EYS: variants seen among roughly 807,000 people sequenced by gnomAD.
The protein encoded by EYS is EGF-like photoreceptor maintenance factor.
EYS carries 250 observed loss-of-function variants against 282.1 expected under a neutral mutation model. The ratio of observed to expected loss-of-function variants is 0.89; its 90% confidence interval spans 0.80 to 0.98. EYS has a LOEUF of 0.98. Ranked by LOEUF, EYS falls within the 50% of genes least tolerant of loss-of-function variation. EYS has a pLI of 0.00. For missense variants in EYS, 4,016 were observed against 3,709.0 expected (o/e 1.08, Z -2.15); for synonymous variants, 1,355 against 1,282.9 (o/e 1.06, Z -1.20).
chr6:64,104,390 G>A (rs149146915), intron 31 of EYS, among the ~76,000 whole-genome samples: 74 of 152,192 alleles, frequency 4.9e-4, no homozygotes, highest in African/African-American at 1.6e-3. Flanking sequence ...TTGCTTATGT[G>A]TGTATGTACA....
Position 65,090,446 on chromosome 6 carries a change from G to C in EYS, c.2024-32719C>G, listed in dbSNP as rs181986068. On this transcript the variant is annotated intron_variant, in intron 12 of 42. Coordinates refer to ENST00000503581, the MANE Select transcript of EYS (RefSeq NM_001142800.2). The stretch of plus-strand genomic sequence containing the variant: ...TTTCTTTATAAATTACCCAGTCTTG[G>C]GTACATCTTTACAACAGTGTGAAAA... Among the ~76,000 whole-genome samples the C allele has an allele frequency of 1.5e-3, 229 of 152,016 alleles. 2 individuals are homozygous for C. The highest frequency in any genetic ancestry group is 4.9e-3 in the African/African-American group (203 of 41,444).
At chr6:64,506,850 A>G (rs1257759733) in intron 26 of EYS, among the ~76,000 whole-genome samples, 5 of 146,632 alleles carry the variant, frequency 3.4e-5, no homozygotes, top group Non-Finnish European at 1.5e-5. Context: ...CGGAGCTTGT[A>G]GTGAGCTAAG....
intron 2 of EYS, among the ~76,000 whole-genome samples, chr6:65,590,465 C>A (rs1765192291): frequency 6.6e-6 from 1 of 151,926 alleles, no homozygotes; most frequent in African/African-American, 2.4e-5. Context: ...AAATATTTAT[C>A]ATTTCTTTGT....
chr6:65,075,919 G>C (rs916568539), intron 12 of EYS, among the ~76,000 whole-genome samples: 4 of 151,892 alleles, frequency 2.6e-5, no homozygotes, highest in African/African-American at 7.2e-5. Context: ...AATTTTTCCA[G>C]ATCTTGGAAG....
In EYS at chr6:63,788,162, T is replaced by A. The variant is rs66462731; in HGVS notation, c.7666A>T (p.Ser2556Cys). ...GGTAAGAGATCTGGAGTGTATTCAC[T>A]GTAGCCACCTACATAAAACTGACTG... is the stretch of plus-strand genomic sequence containing the variant. ...VFSQFYVGGY[S>C]EYTPDLLPNG... Residue 2556 changes from serine to cysteine, a missense_variant, in exon 39 of 43, where the codon AGT (serine) becomes TGT (cysteine). Coordinates refer to ENST00000503581, the MANE Select transcript of EYS (RefSeq NM_001142800.2). 128,778 of 1,548,568 alleles carry A rather than the reference T, an allele frequency of 0.083. 5,872 individuals carry two copies. The highest frequency in any genetic ancestry group is 0.19 in the East Asian group (7,728 of 40,804).
At chr6:65,462,332 T>C (rs981465992) in intron 5 of EYS, among the ~76,000 whole-genome samples, 2 of 151,918 alleles carry the variant, frequency 1.3e-5, no homozygotes, top group Non-Finnish European at 2.9e-5. Flanking sequence ...TGCACAGGGA[T>C]AGTGTGAAGG....
intron 2 of EYS, among the ~76,000 whole-genome samples, chr6:65,619,062 T>G (rs1006128547): frequency 5.8e-4 from 88 of 152,128 alleles, no homozygotes; most frequent in African/African-American, 2.0e-3. Flanking sequence ...ATATGAACTT[T>G]AAAGTAGTTT....
chr6:64,455,054 G>T (rs529632080), intron 26 of EYS, among the ~76,000 whole-genome samples: 1 of 152,138 alleles, frequency 6.6e-6, no homozygotes, highest in East Asian at 1.9e-4. Context: ...GAGCAACCTT[G>T]TCGAACTCTT....
intron 2 of EYS, among the ~76,000 whole-genome samples, chr6:65,505,540 G>A (rs544404305): frequency 4.0e-5 from 6 of 151,868 alleles, no homozygotes; most frequent in East Asian, 1.9e-4. Context: ...AATGTTATAC[G>A]TTTGTCTCTG....
intron 2 of EYS, among the ~76,000 whole-genome samples, chr6:65,498,516 C>T (rs1240613481): frequency 2.0e-5 from 3 of 151,862 alleles, no homozygotes; most frequent in African/African-American, 7.3e-5. Context: ...GATGTGAGCC[C>T]ACATTATTGT....
At chr6:65,170,254 G>A (rs969967812) in intron 12 of EYS, among the ~76,000 whole-genome samples, 1 of 150,928 alleles carries the variant, frequency 6.6e-6, no homozygotes, top group African/African-American at 2.4e-5. Flanking sequence ...ACAGAGAGAG[G>A]AGAGAAAGAA....
intron 18 of EYS, among the ~76,000 whole-genome samples, chr6:64,893,929 A>G (rs1331840059): frequency 6.6e-6 from 1 of 151,972 alleles, no homozygotes; most frequent in African/African-American, 2.4e-5. Context: ...TGAAACTCCT[A>G]TGCATGCATT....
At chr6:64,185,884 G>C (rs187656810) in intron 31 of EYS, among the ~76,000 whole-genome samples, 1 of 152,234 alleles carries the variant, frequency 6.6e-6, no homozygotes, top group African/African-American at 2.4e-5. Context: ...AAAGTTGATA[G>C]TCATACCATT....
intron 34 of EYS, among the ~76,000 whole-genome samples, chr6:63,986,143 T>C (rs1767352167): frequency 6.6e-6 from 1 of 151,786 alleles, no homozygotes; most frequent in Non-Finnish European, 1.5e-5. Context: ...AAAGAAGATA[T>C]ACATGCGGCC....
chr6:65,429,983 T>C (rs1342745412), intron 5 of EYS, among the ~76,000 whole-genome samples: 1 of 152,192 alleles, frequency 6.6e-6, no homozygotes, highest in Non-Finnish European at 1.5e-5. Flanking sequence ...ACCTATCAGA[T>C]AGTAGCATTA....
At chr6:64,769,163 C>T (rs777845433) in intron 22 of EYS, among the ~76,000 whole-genome samples, 17 of 152,146 alleles carry the variant, frequency 1.1e-4, no homozygotes, top group East Asian at 1.9e-4. Context: ...AAAGAAGGTG[C>T]GCCTCACTCT....
At chr6:65,038,228 A>G (rs1019898265) in intron 13 of EYS, among the ~76,000 whole-genome samples, 3 of 151,638 alleles carry the variant, frequency 2.0e-5, no homozygotes, top group Admixed American at 2.0e-4. Context: ...TTTTTTAAAG[A>G]TATAATACAT....
chr6:64,715,769 A>G (rs1475010840), intron 22 of EYS, among the ~76,000 whole-genome samples: 1 of 152,190 alleles, frequency 6.6e-6, no homozygotes, highest in Non-Finnish European at 1.5e-5. Flanking sequence ...TTTGGCTTTG[A>G]ATGCCTCCAC....
chr6:65,383,606 C>T (rs577892208), intron 8 of EYS, among the ~76,000 whole-genome samples: 11 of 150,954 alleles, frequency 7.3e-5, no homozygotes, highest in South Asian at 4.2e-4. Flanking sequence ...AAAAGCTTTG[C>T]AGAAACATTG....
Sources: gnomAD v4.1 joint callset for allele counts (sites outside exome capture counted in the v4.1 genomes callset) on GRCh38, gnomAD v4.1.1 for gene constraint, MANE v1.5 for transcripts, NCBI Gene and HGNC (gene_info 2026-07-23, HGNC 2026-07-21) for gene names.